The following DIS3L2 variants were observed in gnomAD, a reference collection of about 807,000 sequenced individuals.
The protein encoded by DIS3L2 is DIS3 like 3'-5' exoribonuclease 2.
DIS3L2 carries 34 observed loss-of-function variants against 97.5 expected under a neutral mutation model. The observed-to-expected ratio is 0.35, with a 90% CI of 0.27 to 0.46. The LOEUF (loss-of-function observed/expected upper bound fraction) is 0.46. Ranked by LOEUF, DIS3L2 falls within the 20% of genes least tolerant of loss-of-function variation. The probability of loss-of-function intolerance (pLI) is 1.00; values close to 1 mark genes in which losing one functional copy is unlikely to be tolerated. For missense variants in DIS3L2, 1,038 were observed against 1,146.0 expected (o/e 0.91, Z 1.36); for synonymous variants, 435 against 445.2 (o/e 0.98, Z 0.29).
chr2:232,025,034 C>A (rs1694619662), intron 4 of DIS3L2, among the ~76,000 whole-genome samples: 2 of 152,116 alleles, frequency 1.3e-5, no homozygotes, highest in South Asian at 4.1e-4. Flanking sequence ...ACAGATTTTT[C>A]ACAGTGAAAG....
intron 12 of DIS3L2, among the ~76,000 whole-genome samples, chr2:232,250,022 C>T (rs375848548): frequency 6.6e-6 from 1 of 152,078 alleles, no homozygotes; most frequent in Admixed American, 6.5e-5. Flanking sequence ...TGTGCCTATG[C>T]GTATCATAGG....
intron 1 of DIS3L2, among the ~76,000 whole-genome samples, chr2:231,993,266 T>A (rs552535256): frequency 2.0e-5 from 3 of 151,762 alleles, no homozygotes; most frequent in Non-Finnish European, 4.4e-5. Flanking sequence ...AGTCTTGGAG[T>A]GCAGTGGTAC....
intron 1 of DIS3L2, among the ~76,000 whole-genome samples, chr2:232,007,424 C>T (rs749625841): frequency 1.3e-5 from 2 of 152,186 alleles, no homozygotes; most frequent in Non-Finnish European, 2.9e-5. Flanking sequence ...CAGCCTCCAC[C>T]TCTCAGGCTC....
chr2:232,222,804 C>A (rs1457196191), intron 10 of DIS3L2, among the ~76,000 whole-genome samples: 2 of 152,232 alleles, frequency 1.3e-5, no homozygotes, highest in East Asian at 1.9e-4. Flanking sequence ...GTTGTATGAT[C>A]ATTTTTTACT....
At chr2:232,270,863 T>C (rs1017944) in intron 13 of DIS3L2, among the ~76,000 whole-genome samples, 1,786 of 14,650 alleles carry the variant, frequency 0.12, 67 homozygotes, top group East Asian at 0.33. Flanking sequence ...TTTTCTCGTC[T>C]CTCTCTCTCT....
At chr2:232,049,893 C>G (rs554462771) in intron 5 of DIS3L2, among the ~76,000 whole-genome samples, 2 of 152,264 alleles carry the variant, frequency 1.3e-5, no homozygotes, top group East Asian at 3.9e-4. Flanking sequence ...GGGGCATAGA[C>G]ATATTTCTGT....
chr2:231,961,955 C>T (rs560305355), intron 1 of DIS3L2, among the ~76,000 whole-genome samples, 190 bp downstream of exon 1: 102 of 152,372 alleles, frequency 6.7e-4, no homozygotes, highest in African/African-American at 2.2e-3. Flanking sequence ...CCGCATCTCC[C>T]TCAATGTCCC....
intron 8 of DIS3L2, among the ~76,000 whole-genome samples, chr2:232,147,938 C>G (rs992749760): frequency 6.7e-6 from 1 of 149,388 alleles, no homozygotes; most frequent in Non-Finnish European, 1.5e-5. Flanking sequence ...CTTCTCTTCC[C>G]TTCCCTTCCC....
chr2:232,208,234 A>G (rs895031466), intron 9 of DIS3L2, among the ~76,000 whole-genome samples: 26 of 151,578 alleles, frequency 1.7e-4, no homozygotes, highest in African/African-American at 5.8e-4. Context: ...TCTCTGTCTT[A>G]TCTCTGTTTT....
rs559359735 is a variant in DIS3L2 at position 232,139,532 on chromosome 2, T to C, written c.950+2813T>C. ...GTCCCATCCATGACTCACACCCAAT[T>C]TGCAGCGCTGTGGGACTCCTGGGAA... On this transcript the variant is annotated intron_variant, in intron 8 of 20. Coordinates refer to ENST00000325385, the MANE Select transcript of DIS3L2 (RefSeq NM_152383.5). 2.6e-5 allele frequency among the ~76,000 whole-genome samples: 4 copies of C among 152,226 alleles called. No homozygotes were observed. The South Asian group carries it at 8.3e-4, about 32-fold the overall frequency.
Position 232,132,950 on chromosome 2 carries a change from G to A in DIS3L2, c.702+2231G>A, listed in dbSNP as rs115822139. 3.1e-3 allele frequency among the ~76,000 whole-genome samples: 479 copies of A among 152,248 alleles called. 3 individuals carry two copies. The highest frequency in any genetic ancestry group is 0.011 in the African/African-American group (463 of 41,558). Reference sequence around the variant, plus strand: ...CTGGCCACAACATGCAGTCAAGTATGGGAAGCCCCTGTGTTCTCACAGGCA... The same window carrying A: ...CTGGCCACAACATGCAGTCAAGTATAGGAAGCCCCTGTGTTCTCACAGGCA... On this transcript the variant is annotated intron_variant, in intron 7 of 20. Coordinates refer to ENST00000325385, the MANE Select transcript of DIS3L2 (RefSeq NM_152383.5).
chr2:232,344,173 A>G (rs1386242794), exon 14 of DIS3L2: 1 of 152,260 alleles, frequency 6.6e-6, no homozygotes, highest in Non-Finnish European at 1.5e-5. Context: ...GACACCAACC[A>G]AATGGCTGCC....
chr2:232,250,349 A>T (rs1429392999), intron 12 of DIS3L2, among the ~76,000 whole-genome samples: 12 of 147,462 alleles, frequency 8.1e-5, no homozygotes, highest in African/African-American at 2.5e-4. Context: ...TTTTTTTTTT[A>T]AAGACATAAA....
At position 232,136,640 on chromosome 2, in the gene DIS3L2, G is replaced by A. The variant is rs753115829; in HGVS notation, c.871G>A (p.Ala291Thr). The change falls in exon 8 of 21, where the codon GCA (alanine) becomes ACA (threonine). Residue 291 changes from alanine (A) to threonine (T), a missense_variant. By Grantham distance (58) the Ala-to-Thr change is moderately conservative. Around this residue, in one of 3 missense-constraint regions of DIS3L2, gnomAD observed 813 missense variants for 880.1 expected, o/e 0.92. Transcript: ENST00000325385. ...PLKDCPQDFV[A>T]RPKDYANTLF... is the part of the protein sequence containing the mutation. The stretch of plus-strand genomic sequence containing the variant: ...CAAGGACTGTCCCCAGGACTTTGTG[G>A]CACGGCCTAAAGATTATGCCAACAC... 9 of 1,613,750 alleles carry A rather than the reference G, an allele frequency of 5.6e-6. No individual in the cohort carries two copies. Among genetic ancestry groups the A allele is most frequent in the South Asian group, 1.1e-5 (1 of 91,070 alleles).
intron 6 of DIS3L2, among the ~76,000 whole-genome samples, chr2:232,118,555 A>G (rs529629486): frequency 6.6e-6 from 1 of 152,250 alleles, no homozygotes; most frequent in African/African-American, 2.4e-5. Context: ...CAACCCCACA[A>G]CAGTCTTGTA....
chr2:232,159,998 A>G (rs773346601), intron 8 of DIS3L2, among the ~76,000 whole-genome samples: 1 of 152,194 alleles, frequency 6.6e-6, no homozygotes, highest in Non-Finnish European at 1.5e-5. Flanking sequence ...CTATTTGCTA[A>G]TGACCTTGTA....
chr2:232,249,387 C>T (rs777078765), intron 12 of DIS3L2, 41 bp downstream of exon 12: 2 of 1,590,706 alleles, frequency 1.3e-6, no homozygotes, highest in Non-Finnish European at 1.7e-6. Context: ...TACCTCTTTT[C>T]TGTTCCATGA....
intron 5 of DIS3L2, among the ~76,000 whole-genome samples, chr2:232,062,630 C>G (rs1695744757): frequency 6.6e-6 from 1 of 152,136 alleles, no homozygotes; most frequent in South Asian, 2.1e-4. Flanking sequence ...GTAACTTTCT[C>G]TTTGCTATCC....
intron 6 of DIS3L2, among the ~76,000 whole-genome samples, chr2:232,112,566 T>G (rs1033929412): frequency 2.0e-5 from 3 of 152,204 alleles, no homozygotes; most frequent in Admixed American, 6.5e-5. Context: ...AGGGCCTTGC[T>G]TAGACCATGA....
Sources: allele counts gnomAD v4.1 joint callset (sites outside exome capture counted in the v4.1 genomes callset), GRCh38; gene constraint gnomAD v4.1.1; regional missense constraint gnomAD v4.1.1; transcripts MANE v1.5; gene names NCBI Gene and HGNC (gene_info 2026-07-23, HGNC 2026-07-21).